EYS: variants seen among roughly 807,000 people sequenced by gnomAD.
EYS encodes the protein protein eyes shut homolog.
Under a neutral mutation model 282.1 loss-of-function variants are expected in EYS, and 250 were observed. The ratio of observed to expected loss-of-function variants is 0.89; its 90% CI spans 0.80 to 0.98. The LOEUF (loss-of-function observed/expected upper bound fraction) is 0.98. Ranked by LOEUF, EYS falls within the 50% of genes least tolerant of loss-of-function variation. The pLI is 0.00. For synonymous variants in EYS, 1,355 were observed against 1,282.9 expected (o/e 1.06, Z -1.20); for missense variants, 4,016 against 3,709.0 (o/e 1.08, Z -2.15).
intron 31 of EYS, among the ~76,000 whole-genome samples, chr6:64,130,440 T>C (rs534668371): frequency 1.3e-5 from 2 of 151,954 alleles, no homozygotes; most frequent in East Asian, 1.9e-4. Context: ...TGAGAACACA[T>C]GGACACAGGA....
At chr6:65,416,934 A>C (rs1195720655) in intron 5 of EYS, among the ~76,000 whole-genome samples, 1 of 152,008 alleles carries the variant, frequency 6.6e-6, no homozygotes. Context: ...AAATTGAAGA[A>C]AGACAGCTAA....
intron 13 of EYS, among the ~76,000 whole-genome samples, chr6:65,016,125 A>G (rs866958311): frequency 2.0e-4 from 30 of 151,268 alleles, no homozygotes; most frequent in African/African-American, 7.3e-4. Context: ...GCACTTTGGG[A>G]GGCCGAGGTG....
At chr6:65,665,813 AATAAG>A (rs1455151333) in intron 1 of EYS, among the ~76,000 whole-genome samples, 1 of 152,052 alleles carries the variant, frequency 6.6e-6, no homozygotes, top group African/African-American at 2.4e-5. Flanking sequence ...TAAATCTCTA[AATAAG>A]ATAAGTATGG....
At chr6:65,043,760 A>T (rs1010751885) in intron 13 of EYS, among the ~76,000 whole-genome samples, 2 of 151,436 alleles carry the variant, frequency 1.3e-5, no homozygotes, top group African/African-American at 2.4e-5. Flanking sequence ...TATATATATG[A>T]CATTTTATTT....
At chr6:64,853,807 C>G (rs948223823) in intron 19 of EYS, among the ~76,000 whole-genome samples, 1 of 152,092 alleles carries the variant, frequency 6.6e-6, no homozygotes, top group Admixed American at 6.6e-5. Context: ...TCAGAGTGAA[C>G]AGGCAACCTA....
intron 22 of EYS, chr6:64,733,172 T>C (rs1772031941): frequency 6.6e-6 from 1 of 152,218 alleles, no homozygotes. Context: ...CTAGCTTTCA[T>C]GACTAGCTGC....
At chr6:64,597,752 T>C (rs623368) in intron 24 of EYS, among the ~76,000 whole-genome samples, 18,384 of 151,938 alleles carry the variant, frequency 0.12, 1,158 homozygotes, top group East Asian at 0.16. Flanking sequence ...AAATTACTTG[T>C]GGTTACAATG....
chr6:65,330,516 T>A lies in EYS; in HGVS notation c.1766+4464A>T, dbSNP rs532668937. 11 of 984,228 alleles carry A rather than the reference T, an allele frequency of 1.1e-5. No individual in the cohort carries two copies. In the East Asian group the frequency reaches 8.0e-4, roughly 71 times the overall value. 61.0% of individuals were successfully genotyped at this position (984,228 alleles called of 1,614,324 possible). On this transcript the variant is annotated intron_variant, in intron 11 of 42. Coordinates refer to ENST00000503581, the MANE Select transcript of EYS (RefSeq NM_001142800.2). ...AACATTTTATAAACCCCCAGAAAAATTTTTTGAAGATTTCAGGGCAAAAAA... is the reference window on the plus strand; with the variant it reads ...AACATTTTATAAACCCCCAGAAAAAATTTTTGAAGATTTCAGGGCAAAAAA...
intron 40 of EYS, among the ~76,000 whole-genome samples, chr6:63,767,688 C>G (rs1769829444): frequency 6.6e-6 from 1 of 152,022 alleles, no homozygotes; most frequent in East Asian, 1.9e-4. Context: ...TTATTCCTAT[C>G]AAACTACCAA....
At chr6:64,438,490 G>A (rs1268168842) in intron 27 of EYS, among the ~76,000 whole-genome samples, 1 of 151,576 alleles carries the variant, frequency 6.6e-6, no homozygotes, top group Non-Finnish European at 1.5e-5. Flanking sequence ...TACAAAAACA[G>A]GTTTTCTCTT....
intron 12 of EYS, among the ~76,000 whole-genome samples, chr6:65,186,719 T>A (rs1246809367): frequency 6.6e-6 from 1 of 151,738 alleles, no homozygotes; most frequent in East Asian, 1.9e-4. Context: ...AGATTGGGCT[T>A]CAGAACGGTG....
At position 64,821,524 on chromosome 6, in the gene EYS, G is replaced by A. The variant is rs553271734; in HGVS notation, c.3243+121C>T. ...AAAGAATTACACAGAGGAAAGATGA[G>A]AGAACAGTTAAATCATCAACAACTG... is the stretch of plus-strand genomic sequence containing the variant. On this transcript the variant is annotated intron_variant, in intron 21 of 42. Transcript: ENST00000503581. 15 of 525,706 alleles carry A rather than the reference G, an allele frequency of 2.9e-5. 1 individual carries two copies. Among genetic ancestry groups the A allele is most frequent in the Middle Eastern group, 1.0e-3 (2 of 1,966 alleles). The allele number at this position is 525,706 out of a possible 1,614,324, so 32.6% of individuals were successfully genotyped here.
intron 14 of EYS, among the ~76,000 whole-genome samples, chr6:64,982,175 T>C (rs1294927667): frequency 6.6e-6 from 1 of 151,520 alleles, no homozygotes; most frequent in Middle Eastern, 3.4e-3. Context: ...TTTTTAATTA[T>C]GTATCTCTGC....
intron 8 of EYS, 21 bp downstream of exon 8, chr6:65,384,365 G>T (rs1369916441): frequency 7.5e-7 from 1 of 1,326,080 alleles, no homozygotes; most frequent in Admixed American, 1.7e-5. Context: ...AACTTATGTT[G>T]CCATGTATTA....
intron 12 of EYS, among the ~76,000 whole-genome samples, chr6:65,255,234 T>C (rs548602423): frequency 6.6e-6 from 1 of 151,890 alleles, no homozygotes; most frequent in Non-Finnish European, 1.5e-5. Context: ...ACATCTATAA[T>C]AAACTCATTT....
chr6:64,184,581 A>C (rs914660601), intron 31 of EYS, among the ~76,000 whole-genome samples: 3 of 151,622 alleles, frequency 2.0e-5, no homozygotes, highest in African/African-American at 7.3e-5. Flanking sequence ...CATTTGAACT[A>C]CTGGCATCTT....
At chr6:64,379,390 G>GT (rs1213326103) in intron 29 of EYS, among the ~76,000 whole-genome samples, 6 of 152,020 alleles carry the variant, frequency 3.9e-5, no homozygotes, top group Admixed American at 6.6e-5. Flanking sequence ...ATTACTTCTT[G>GT]TTTTACTTTA....
intron 35 of EYS, among the ~76,000 whole-genome samples, chr6:63,872,030 C>T (rs1293188274): frequency 1.3e-5 from 2 of 152,134 alleles, no homozygotes; most frequent in African/African-American, 2.4e-5. Flanking sequence ...TTCAGCAGCA[C>T]CTTCAAGTGT....
chr6:64,322,967 A>C (rs1770271318), intron 29 of EYS, among the ~76,000 whole-genome samples: 1 of 152,088 alleles, frequency 6.6e-6, no homozygotes, highest in African/African-American at 2.4e-5. Context: ...CCCCATCCTC[A>C]GACATTCACA....
Sources: allele counts gnomAD v4.1 joint callset (sites outside exome capture counted in the v4.1 genomes callset), GRCh38; gene constraint gnomAD v4.1.1; transcripts MANE v1.5; gene names NCBI Gene and HGNC (gene_info 2026-07-23, HGNC 2026-07-21).